PDE1A: variants seen among roughly 807,000 people sequenced by gnomAD.
PDE1A encodes dual specificity calcium/calmodulin-dependent 3',5'-cyclic nucleotide phosphodiesterase 1A.
In PDE1A, 35 loss-of-function variants were observed where a neutral mutation model predicts 61.7. That is an observed-to-expected ratio of 0.57 (90% CI 0.43 to 0.75). The LOEUF is 0.75. PDE1A is among the 30% of genes least tolerant of loss of function. The pLI is 0.00. For synonymous variants in PDE1A, 232 were observed against 213.2 expected (o/e 1.09, Z -0.77); for missense variants, 597 against 630.6 (o/e 0.95, Z 0.57).
intron 10 of PDE1A, among the ~76,000 whole-genome samples, chr2:182,197,621 C>CTA (rs1036407727): frequency 6.6e-5 from 10 of 151,860 alleles, no homozygotes; most frequent in African/African-American, 2.2e-4. Flanking sequence ...CATACATTCA[C>CTA]TAATTGCTGT....
At chr2:182,336,477 A>T (rs1697821280) in intron 1 of PDE1A, among the ~76,000 whole-genome samples, 4 of 152,166 alleles carry the variant, frequency 2.6e-5, no homozygotes, top group Admixed American at 2.6e-4. Flanking sequence ...AGGGACATGG[A>T]TGAAGCTGAA....
At chr2:182,188,294 A>G (rs543387204) in intron 11 of PDE1A, among the ~76,000 whole-genome samples, 19 of 152,270 alleles carry the variant, frequency 1.2e-4, no homozygotes, top group African/African-American at 4.3e-4. Context: ...GCTTTCCCCA[A>G]CGCTTTGTGA....
At chr2:182,178,751 G>T (rs1387665849) in intron 13 of PDE1A, among the ~76,000 whole-genome samples, 1 of 152,072 alleles carries the variant, frequency 6.6e-6, no homozygotes, top group Non-Finnish European at 1.5e-5. Context: ...ACTCTGATGT[G>T]AAGACCAGCC....
chr2:182,207,080 T>C (rs1208394846), intron 7 of PDE1A, among the ~76,000 whole-genome samples: 2 of 152,140 alleles, frequency 1.3e-5, no homozygotes, highest in Non-Finnish European at 2.9e-5. Context: ...GCTATAAAGA[T>C]ACCTAAAAAT....
chr2:182,606,528 T>C, the PDE1A span, among the ~76,000 whole-genome samples: 1 of 152,176 alleles, frequency 6.6e-6, no homozygotes, highest in Non-Finnish European at 1.5e-5. Context: ...TTTTCATTCA[T>C]TCAACTATTT....
intron 2 of PDE1A, among the ~76,000 whole-genome samples, chr2:182,452,166 A>C (rs1355778946): frequency 6.6e-6 from 1 of 152,118 alleles, no homozygotes; most frequent in Non-Finnish European, 1.5e-5. Context: ...TATCTTCTGT[A>C]CGTAAGAACT....
chr2:182,628,188 A>G, the PDE1A span, among the ~76,000 whole-genome samples: 1 of 152,060 alleles, frequency 6.6e-6, no homozygotes, highest in Non-Finnish European at 1.5e-5. Flanking sequence ...TGTTATCGCT[A>G]ATTTTCATTT....
chr2:182,607,062 A>T, the PDE1A span, among the ~76,000 whole-genome samples: 1 of 152,134 alleles, frequency 6.6e-6, no homozygotes, highest in African/African-American at 2.4e-5. Flanking sequence ...AAAAAAAAAG[A>T]CAGGATTTAG....
the PDE1A span, among the ~76,000 whole-genome samples, chr2:182,684,827 A>G: frequency 1.3e-5 from 2 of 152,278 alleles, no homozygotes; most frequent in African/African-American, 4.8e-5. Context: ...TATCATTTCT[A>G]ATTAACCATA....
intron 1 of PDE1A, among the ~76,000 whole-genome samples, chr2:182,341,152 A>G (rs1027028608): frequency 2.6e-5 from 4 of 152,306 alleles, no homozygotes; most frequent in Admixed American, 1.3e-4. Flanking sequence ...TTCAATCCCA[A>G]TTCTCACAAC....
chr2:182,498,217 C>T (rs1177488698), intron 2 of PDE1A, among the ~76,000 whole-genome samples: 1 of 152,018 alleles, frequency 6.6e-6, no homozygotes. Flanking sequence ...GAAAGATACA[C>T]TGAAGTGAAC....
the PDE1A span, among the ~76,000 whole-genome samples, chr2:182,603,880 C>T: frequency 6.6e-6 from 1 of 152,044 alleles, no homozygotes; most frequent in African/African-American, 2.4e-5. Context: ...ATTTAAACTC[C>T]TAAAATTTCA....
At chr2:182,206,465 C>T (rs192114081) in intron 7 of PDE1A, among the ~76,000 whole-genome samples, 2 of 152,246 alleles carry the variant, frequency 1.3e-5, no homozygotes, top group East Asian at 1.9e-4. Context: ...ACATTCTATG[C>T]GTTTAGACAA....
intron 1 of PDE1A, among the ~76,000 whole-genome samples, chr2:182,330,936 A>G (rs1224700012): frequency 6.6e-6 from 1 of 151,702 alleles, no homozygotes; most frequent in Non-Finnish European, 1.5e-5. Flanking sequence ...CTTCCTGGAG[A>G]TCTCACTGGG....
intron 2 of PDE1A, among the ~76,000 whole-genome samples, chr2:182,432,299 A>C (rs1703990776): frequency 6.6e-6 from 1 of 152,098 alleles, no homozygotes; most frequent in Admixed American, 6.6e-5. Context: ...AACTCTCCTT[A>C]ACCACAACAA....
chr2:182,306,501 A>C (rs74344768), intron 1 of PDE1A, among the ~76,000 whole-genome samples: 2,302 of 150,390 alleles, frequency 0.015, 59 homozygotes, highest in African/African-American at 0.054. Context: ...CACACACACA[A>C]AAGCAAGGCA....
chr2:182,497,394 C>A (rs1204852603), intron 2 of PDE1A, among the ~76,000 whole-genome samples: 1 of 152,138 alleles, frequency 6.6e-6, no homozygotes, highest in Non-Finnish European at 1.5e-5. Flanking sequence ...GTCAGGGAAG[C>A]AGAGTGGTGC....
At chr2:182,171,332 T>C (rs1439285650) in intron 13 of PDE1A, among the ~76,000 whole-genome samples, 1 of 152,008 alleles carries the variant, frequency 6.6e-6, no homozygotes, top group Non-Finnish European at 1.5e-5. Flanking sequence ...CCAGACAATA[T>C]GCAGTATTGC....
intron 7 of PDE1A, among the ~76,000 whole-genome samples, chr2:182,208,094 G>C (rs1362376208): frequency 6.6e-6 from 1 of 152,216 alleles, no homozygotes; most frequent in African/African-American, 2.4e-5. Flanking sequence ...GTAGGGCAGT[G>C]TGGAGGGGAA....
Sources: allele counts gnomAD v4.1 joint callset (sites outside exome capture counted in the v4.1 genomes callset), GRCh38; gene constraint gnomAD v4.1.1; transcripts MANE v1.5; gene names NCBI Gene and HGNC (gene_info 2026-07-23, HGNC 2026-07-21).